The following CPQ variants were observed in gnomAD, a reference collection of about 807,000 sequenced individuals.
CPQ encodes the protein Ser-Met dipeptidase.
A neutral mutation model predicts 45.7 loss-of-function variants in CPQ; 37 were observed. That is an observed-to-expected ratio of 0.81 (90% CI 0.62 to 1.07). The LOEUF (loss-of-function observed/expected upper bound fraction) is 1.07, where lower values mean the gene tolerates loss of function less well. Ranked by LOEUF, CPQ falls within the 50% of genes least tolerant of loss-of-function variation. The probability of loss-of-function intolerance (pLI) is 0.00; values close to 1 mark genes in which losing one functional copy is unlikely to be tolerated. For synonymous variants in CPQ, 186 were observed against 205.8 expected (o/e 0.90, Z 0.82); for missense variants, 537 against 572.9 (o/e 0.94, Z 0.64).
intron 7 of CPQ, among the ~76,000 whole-genome samples, chr8:97,084,462 T>TAAAC (rs922029747): frequency 6.6e-6 from 1 of 152,194 alleles, no homozygotes; most frequent in Non-Finnish European, 1.5e-5. Flanking sequence ...AAATTAGAAC[T>TAAAC]AAACAGTTTA....
chr8:96,913,441 G>A (rs978791497), intron 4 of CPQ, among the ~76,000 whole-genome samples: 3 of 152,160 alleles, frequency 2.0e-5, no homozygotes, highest in Non-Finnish European at 4.4e-5. Flanking sequence ...ATTCTTAAAT[G>A]AAAGTGAGAG....
intron 2 of CPQ, among the ~76,000 whole-genome samples, chr8:96,815,259 G>A (rs748673780): frequency 1.3e-5 from 2 of 152,006 alleles, no homozygotes; most frequent in Non-Finnish European, 2.9e-5. Context: ...TGAATTAGGG[G>A]AAGTAGAGAA....
intron 2 of CPQ, among the ~76,000 whole-genome samples, chr8:96,824,769 T>C (rs1811355725): frequency 6.6e-6 from 1 of 152,048 alleles, no homozygotes; most frequent in Admixed American, 6.6e-5. Context: ...GTTTTCTTAA[T>C]TGGTAGCTCA....
At chr8:97,043,252 G>T (rs1001377874) in intron 6 of CPQ, among the ~76,000 whole-genome samples, 102 of 151,740 alleles carry the variant, frequency 6.7e-4, no homozygotes, top group Non-Finnish European at 1.1e-3. Flanking sequence ...GGCCTTCTTT[G>T]TCTCTTTTGA....
chr8:97,072,470 GAAAC>G (rs1810761565), intron 7 of CPQ, among the ~76,000 whole-genome samples: 1 of 152,018 alleles, frequency 6.6e-6, no homozygotes, highest in Non-Finnish European at 1.5e-5. Flanking sequence ...ATAACGTATG[GAAAC>G]AAACAAATGA....
chr8:96,697,999 AC>A (rs1809407967), intron 1 of CPQ, among the ~76,000 whole-genome samples: 1 of 152,130 alleles, frequency 6.6e-6, no homozygotes, highest in African/African-American at 2.4e-5. Flanking sequence ...AATAGAAAAA[AC>A]AATCCTAAAA....
chr8:96,959,768 T>A (rs1256179437), intron 4 of CPQ, among the ~76,000 whole-genome samples: 1 of 151,858 alleles, frequency 6.6e-6, no homozygotes, highest in Non-Finnish European at 1.5e-5. Flanking sequence ...TTCCTGTGTC[T>A]GGAAATGCAT....
intron 5 of CPQ, among the ~76,000 whole-genome samples, chr8:97,012,829 C>T (rs911795878): frequency 6.6e-6 from 1 of 152,192 alleles, no homozygotes; most frequent in African/African-American, 2.4e-5. Context: ...ATGTGAACCA[C>T]TGAAATTTCA....
chr8:96,787,855 G>T (rs1810792247), intron 2 of CPQ, among the ~76,000 whole-genome samples: 1 of 34,486 alleles, frequency 2.9e-5, no homozygotes, highest in Non-Finnish European at 1.0e-4. Flanking sequence ...GTTATTTATA[G>T]TATCTTATTA....
intron 3 of CPQ, among the ~76,000 whole-genome samples, chr8:96,875,110 T>A (rs1202868396): frequency 6.6e-6 from 1 of 151,972 alleles, no homozygotes; most frequent in Non-Finnish European, 1.5e-5. Context: ...CATGTAATTA[T>A]AGTCCATTTA....
chr8:97,111,493 G>A (rs34085378), intron 7 of CPQ, among the ~76,000 whole-genome samples: 12,977 of 152,214 alleles, frequency 0.085, 661 homozygotes, highest in Non-Finnish European at 0.1. Flanking sequence ...ATGTCCCAGA[G>A]GGCCAGCTGC....
At chr8:96,771,119 ATATT>A (rs1810538846) in intron 1 of CPQ, among the ~76,000 whole-genome samples, 1 of 146,982 alleles carries the variant, frequency 6.8e-6, no homozygotes, top group South Asian at 2.1e-4. Flanking sequence ...ATATATTTAT[ATATT>A]TTAATGTTTA....
At chr8:96,923,932 C>G (rs1184974282) in intron 4 of CPQ, among the ~76,000 whole-genome samples, 2 of 152,182 alleles carry the variant, frequency 1.3e-5, no homozygotes, top group Non-Finnish European at 2.9e-5. Context: ...AATTGTGCCC[C>G]TGAAGGATGA....
chr8:96,806,929 C>G (rs968840578), intron 2 of CPQ, among the ~76,000 whole-genome samples: 1 of 152,046 alleles, frequency 6.6e-6, no homozygotes, highest in South Asian at 2.1e-4. Context: ...CATTGCATGC[C>G]TATATCAAAT....
chr8:97,035,698 TTGTA>T (rs993002763), intron 6 of CPQ, among the ~76,000 whole-genome samples: 2 of 11,842 alleles, frequency 1.7e-4, no homozygotes, highest in African/African-American at 1.0e-3. Flanking sequence ...GTTTGTTTGT[TTGTA>T]TTGTTTTGTT....
chr8:96,951,749 A>G (rs985395701), intron 4 of CPQ, among the ~76,000 whole-genome samples: 2 of 152,046 alleles, frequency 1.3e-5, no homozygotes, highest in African/African-American at 4.8e-5. Context: ...CTCTAATTCA[A>G]ACTGGCAGTG....
chr8:96,666,316 G>A (rs1336911260), intron 1 of CPQ, among the ~76,000 whole-genome samples: 2 of 152,172 alleles, frequency 1.3e-5, no homozygotes, highest in Non-Finnish European at 2.9e-5. Context: ...GCTATCACTA[G>A]CAATTAGCTA....
At chr8:96,837,706 A>T (rs1357031695) in intron 3 of CPQ, among the ~76,000 whole-genome samples, 1 of 152,104 alleles carries the variant, frequency 6.6e-6, no homozygotes, top group Non-Finnish European at 1.5e-5. Context: ...CGCCAGCTCT[A>T]GGCCTATATA....
chr8:96,941,942 C>A (rs1177563541), intron 4 of CPQ, among the ~76,000 whole-genome samples: 1 of 152,076 alleles, frequency 6.6e-6, no homozygotes, highest in Non-Finnish European at 1.5e-5. Context: ...GATAATAAGG[C>A]AGATAAGTGA....
Sources: allele counts gnomAD v4.1 joint callset (sites outside exome capture counted in the v4.1 genomes callset), GRCh38; gene constraint gnomAD v4.1.1; transcripts MANE v1.5; gene names NCBI Gene and HGNC (gene_info 2026-07-23, HGNC 2026-07-21).